The following EEA1 variants were observed in gnomAD, a reference collection of about 807,000 sequenced individuals.
The protein encoded by EEA1 is early endosome antigen 1.
EEA1 carries 111 observed loss-of-function variants against 209.2 expected under a neutral mutation model. That is an observed-to-expected ratio of 0.53 (90% confidence interval 0.45 to 0.62). The LOEUF is 0.62. Among genes scored for constraint, EEA1 ranks in the 20% least tolerant of loss-of-function variants. EEA1 has a pLI of 0.00. For missense variants in EEA1, 1,343 were observed against 1,530.8 expected (o/e 0.88, Z 2.05); for synonymous variants, 536 against 540.6 (o/e 0.99, Z 0.12).
At chr12:92,791,698 A>G (rs904329681) in intron 21 of EEA1, among the ~76,000 whole-genome samples, 2 of 152,210 alleles carry the variant, frequency 1.3e-5, no homozygotes, top group Non-Finnish European at 2.9e-5. Flanking sequence ...CCTCGCTGTC[A>G]ATATTAGACA....
At chr12:92,789,625 G>T (rs1007753551) in intron 21 of EEA1, among the ~76,000 whole-genome samples, 1 of 152,112 alleles carries the variant, frequency 6.6e-6, no homozygotes, top group Non-Finnish European at 1.5e-5. Flanking sequence ...CAGGAAGCTC[G>T]AACTGGGTGG....
At chr12:92,857,907 T>C (rs1306889936) in intron 3 of EEA1, among the ~76,000 whole-genome samples, 1 of 152,232 alleles carries the variant, frequency 6.6e-6, no homozygotes, top group Non-Finnish European at 1.5e-5. Flanking sequence ...CTATCAACAT[T>C]GGCTTCCATC....
chr12:92,883,829 G>C, intron 2 of EEA1: 1 of 1,598,798 alleles, frequency 6.3e-7, no homozygotes, highest in Non-Finnish European at 8.6e-7. Context: ...CTCTTCATTG[G>C]AGGGTTGAGC....
intron 22 of EEA1, 32 bp downstream of exon 22, chr12:92,787,835 G>A: frequency 3.5e-6 from 5 of 1,421,048 alleles, no homozygotes; most frequent in Non-Finnish European, 4.6e-6. Context: ...AAAACTTACT[G>A]AGACTTTATG....
At chr12:92,911,554 A>G (rs967331020) in intron 1 of EEA1, among the ~76,000 whole-genome samples, 8 of 152,258 alleles carry the variant, frequency 5.3e-5, no homozygotes, top group African/African-American at 1.9e-4. Context: ...ATGGTATTAT[A>G]ACGGTAGATA....
At chr12:92,794,009 C>G (rs898600004) in intron 21 of EEA1, among the ~76,000 whole-genome samples, 6 of 152,084 alleles carry the variant, frequency 3.9e-5, no homozygotes, top group African/African-American at 1.4e-4. Context: ...CCAGAATCTA[C>G]AAAGAACTCA....
Position 92,831,980 on chromosome 12 carries a change from G to A in EEA1, c.1254+532C>T, listed in dbSNP as rs368762920. 2.5e-3 allele frequency among the ~76,000 whole-genome samples: 381 copies of A among 150,980 alleles called. 2 individuals are homozygous for A. The highest frequency in any genetic ancestry group is 3.1e-3 in the Non-Finnish European group (207 of 67,732). ...CGGGCGCCTGTAGTCCCAGCTACTCGGGAGGCTGAGGCAGGAGAATGGCGT... is the reference window on the plus strand; with the variant it reads ...CGGGCGCCTGTAGTCCCAGCTACTCAGGAGGCTGAGGCAGGAGAATGGCGT... On this transcript the variant is annotated intron_variant, in intron 11 of 28. Transcript: ENST00000322349.
At chr12:92,883,496 C>T (rs897523633) in intron 2 of EEA1, among the ~76,000 whole-genome samples, 7 of 152,088 alleles carry the variant, frequency 4.6e-5, no homozygotes, top group African/African-American at 1.7e-4. Context: ...CACTAATGTC[C>T]AGAATGATGT....
Position 92,909,881 on chromosome 12 carries a change from G to A in EEA1, c.25-18160C>T, listed in dbSNP as rs1371684062. ...ATTTAGGTTGGGCACAGTGGCTCACGCCTGTAATCCCAGCACTTTGGGAGA... is the reference window on the plus strand; with the variant it reads ...ATTTAGGTTGGGCACAGTGGCTCACACCTGTAATCCCAGCACTTTGGGAGA... On this transcript the variant is annotated intron_variant, in intron 1 of 28. Coordinates refer to ENST00000322349, the MANE Select transcript of EEA1 (RefSeq NM_003566.4). 2.6e-5 allele frequency among the ~76,000 whole-genome samples: 4 copies of A among 151,968 alleles called. No homozygotes were observed. The South Asian group carries it at 6.3e-4, about 24-fold the overall frequency.
At chr12:92,847,113 C>G (rs1344025531) in intron 9 of EEA1, among the ~76,000 whole-genome samples, 4 of 152,052 alleles carry the variant, frequency 2.6e-5, no homozygotes, top group African/African-American at 9.7e-5. Context: ...CCACCACACA[C>G]CCGGCTAATT....
intron 1 of EEA1, among the ~76,000 whole-genome samples, chr12:92,921,114 G>T (rs961912893): frequency 3.3e-5 from 5 of 152,034 alleles, no homozygotes; most frequent in Admixed American, 1.3e-4. Context: ...TGCTGGAGAG[G>T]ATGTGGAGAA....
chr12:92,897,775 C>T (rs936992426), intron 1 of EEA1, among the ~76,000 whole-genome samples: 6 of 152,110 alleles, frequency 3.9e-5, no homozygotes, highest in Non-Finnish European at 8.8e-5. Context: ...ATGATCACAC[C>T]ATTGCATTAT....
chr12:92,835,888 C>A lies in EEA1; in HGVS notation c.916-3038G>T, dbSNP rs1876910319. Among the ~76,000 whole-genome samples the A allele has an allele frequency of 2.6e-5, 4 of 151,994 alleles. No individual in the cohort carries two copies. In the South Asian group the frequency reaches 8.3e-4, roughly 32 times the overall value. ...TCTTTCTTTTTAAAAGAATCTAATC[C>A]ACTCACACTTTGTAATTTTTACAGG... is the stretch of plus-strand genomic sequence containing the variant. On this transcript the variant is annotated intron_variant, in intron 10 of 28. Coordinates refer to ENST00000322349, the MANE Select transcript of EEA1 (RefSeq NM_003566.4).
At chr12:92,858,160 A>G (rs979336942) in intron 3 of EEA1, 3 of 619,812 alleles carry the variant, frequency 4.8e-6, no homozygotes, top group African/African-American at 1.8e-5. Flanking sequence ...TGGTGGGGGA[A>G]GGCCCACCCA....
At chr12:92,911,680 T>C (rs1347497647) in intron 1 of EEA1, among the ~76,000 whole-genome samples, 1 of 152,168 alleles carries the variant, frequency 6.6e-6, no homozygotes, top group Non-Finnish European at 1.5e-5. Flanking sequence ...TCATAACAAA[T>C]GTACCACTCT....
intron 9 of EEA1, among the ~76,000 whole-genome samples, chr12:92,843,938 A>G (rs1480712006): frequency 6.6e-6 from 1 of 151,748 alleles, no homozygotes; most frequent in Admixed American, 6.6e-5. Context: ...TCTTTTGGAA[A>G]CCCTTCCAGA....
rs1279704757 is a variant in EEA1 at position 92,777,620 on chromosome 12, C to T, written c.3937G>A (p.Val1313Ile). 6.2e-7 allele frequency: 1 copy of T among 1,612,236 alleles called. No homozygotes were observed. The highest frequency in any genetic ancestry group is 1.1e-5 in the South Asian group (1 of 90,988). The change falls in exon 27 of 29, where the codon GTA (valine) becomes ATA (isoleucine). Residue 1313 changes from valine to isoleucine, a missense_variant. Around this residue, in one of 3 missense-constraint regions of EEA1, gnomAD observed 1,307 missense variants for 1,465.5 expected, o/e 0.89. Transcript: ENST00000322349. ...EGEIEKLQTK[V>I]LELQRKLDNT... ...TCCAGCTTTCTTTGCAATTCTAATA[C>T]TTTGGTTTGAAGCTTTTCTATTTCA...
chr12:92,795,475 T>C, intron 21 of EEA1, among the ~76,000 whole-genome samples: 1 of 152,196 alleles, frequency 6.6e-6, no homozygotes, highest in East Asian at 1.9e-4. Flanking sequence ...ATAAAATAAG[T>C]GCCTAGTAAT....
intron 18 of EEA1, 42 bp from the exon 19 acceptor site, chr12:92,802,776 T>G: frequency 7.2e-7 from 1 of 1,394,914 alleles, no homozygotes; most frequent in South Asian, 1.5e-5. Context: ...ACACATAATT[T>G]ACCACTTCTA....
Sources: allele counts gnomAD v4.1 joint callset (sites outside exome capture counted in the v4.1 genomes callset), GRCh38; gene constraint gnomAD v4.1.1; regional missense constraint gnomAD v4.1.1; transcripts MANE v1.5; gene names NCBI Gene and HGNC (gene_info 2026-07-23, HGNC 2026-07-21).